The following DDX31 variants were observed in gnomAD, a reference collection of about 807,000 sequenced individuals.
DDX31 encodes the protein ATP-dependent DNA helicase DDX31.
A neutral mutation model predicts 91.3 loss-of-function variants in DDX31; 70 were observed. The ratio of observed to expected loss-of-function variants is 0.77; its 90% CI spans 0.63 to 0.94. DDX31 has a LOEUF of 0.94. Among genes scored for constraint, DDX31 ranks in the 40% least tolerant of loss-of-function variants. The pLI, the probability that DDX31 is intolerant of heterozygous loss-of-function variation, is 0.00. For synonymous variants in DDX31, 362 were observed against 350.6 expected (o/e 1.03, Z -0.36); for missense variants, 902 against 925.0 (o/e 0.98, Z 0.32).
At chr9:132,642,162 G>A in intron 13 of DDX31, 99 bp from the exon 14 acceptor site, 1 of 1,048,452 alleles carries the variant, frequency 9.5e-7, no homozygotes, top group Non-Finnish European at 1.5e-6. Context: ...TACTGCTAGA[G>A]CTATTTTCAG....
intron 1 of DDX31, among the ~76,000 whole-genome samples, chr9:132,668,922 A>T (rs1304492361): frequency 6.6e-6 from 1 of 152,172 alleles, no homozygotes; most frequent in Non-Finnish European, 1.5e-5. Flanking sequence ...ACATTTCAGA[A>T]ATACACTGGT....
intron 19 of DDX31, among the ~76,000 whole-genome samples, chr9:132,608,446 C>A (rs1011396799): frequency 6.6e-6 from 1 of 152,104 alleles, no homozygotes. Context: ...GGACTAAAGG[C>A]AATGTAAGAG....
chr9:132,625,047 AG>A (rs1183315431), intron 17 of DDX31, among the ~76,000 whole-genome samples: 2 of 152,082 alleles, frequency 1.3e-5, no homozygotes, highest in Non-Finnish European at 2.9e-5. Flanking sequence ...ATACTGAGTA[AG>A]GGGGTGGGGT....
intron 1 of DDX31, among the ~76,000 whole-genome samples, chr9:132,665,744 A>G (rs1405677571): frequency 6.6e-6 from 1 of 152,250 alleles, no homozygotes; most frequent in African/African-American, 2.4e-5. Flanking sequence ...CTTTGATATT[A>G]ATAAACATAC....
chr9:132,640,506 T>C (rs1833434884), intron 14 of DDX31, among the ~76,000 whole-genome samples: 2 of 152,164 alleles, frequency 1.3e-5, no homozygotes, highest in Admixed American at 1.3e-4. Context: ...CCCCCGCTTT[T>C]TTTCTTTTGA....
At chr9:132,632,481 A>ACT (rs1478235474) in intron 14 of DDX31, among the ~76,000 whole-genome samples, 1 of 152,028 alleles carries the variant, frequency 6.6e-6, no homozygotes, top group African/African-American at 2.4e-5. Context: ...AATGTAAAGA[A>ACT]CTCTGAACTC....
At chr9:132,664,394 TG>T (rs1835174716) in intron 1 of DDX31, among the ~76,000 whole-genome samples, 2 of 152,150 alleles carry the variant, frequency 1.3e-5, no homozygotes, top group African/African-American at 4.8e-5. Context: ...GGTTTTCCAT[TG>T]CTCTTAGGCT....
intron 14 of DDX31, chr9:132,638,250 G>A (rs1045118269): frequency 1.3e-6 from 2 of 1,592,020 alleles, no homozygotes; most frequent in East Asian, 2.3e-5. Context: ...TTAAAATCAG[G>A]TGGCTTAGAA....
chr9:132,642,966 A>C (rs1833592672), intron 13 of DDX31, among the ~76,000 whole-genome samples: 1 of 151,982 alleles, frequency 6.6e-6, no homozygotes, highest in Non-Finnish European at 1.5e-5. Context: ...CTGGGACTAC[A>C]GGCATACACA....
At chr9:132,659,331 G>A (rs1276397316) in intron 5 of DDX31, among the ~76,000 whole-genome samples, 2 of 152,134 alleles carry the variant, frequency 1.3e-5, no homozygotes, top group Non-Finnish European at 2.9e-5. Flanking sequence ...TTCTGTCCTC[G>A]AGCACAACTG....
At chr9:132,617,050 T>C (rs1187356053) in intron 18 of DDX31, among the ~76,000 whole-genome samples, 2 of 152,174 alleles carry the variant, frequency 1.3e-5, no homozygotes, top group African/African-American at 4.8e-5. Flanking sequence ...CTTTCAAACC[T>C]AAGTCAGATC....
At chr9:132,640,133 G>T (rs751952302) in intron 14 of DDX31, among the ~76,000 whole-genome samples, 2 of 152,198 alleles carry the variant, frequency 1.3e-5, no homozygotes, top group Non-Finnish European at 2.9e-5. Context: ...GCTTACGACC[G>T]GCTGGGAAGG....
At chr9:132,602,214 T>C (rs1479460164) in intron 19 of DDX31, among the ~76,000 whole-genome samples, 1 of 152,204 alleles carries the variant, frequency 6.6e-6, no homozygotes, top group Non-Finnish European at 1.5e-5. Flanking sequence ...TGGACAGCCC[T>C]GGGGGCTGCA....
intron 19 of DDX31, among the ~76,000 whole-genome samples, chr9:132,609,909 C>T (rs547911954): frequency 3.3e-5 from 5 of 152,244 alleles, no homozygotes; most frequent in South Asian, 2.1e-4. Flanking sequence ...AGTGAGTCAC[C>T]GCGCCTGGCC....
chr9:132,620,324 T>A (rs1043332307), intron 17 of DDX31, among the ~76,000 whole-genome samples: 11 of 151,956 alleles, frequency 7.2e-5, no homozygotes, highest in African/African-American at 2.7e-4. Context: ...GTGTCACAAC[T>A]GTCAGGGGAT....
rs972813309 is a variant in DDX31 at position 132,661,023 on chromosome 9, C to T, written c.452+185G>A. The T allele has an allele frequency of 9.8e-6, 6 of 611,612 alleles. No individual in the cohort carries two copies. The African/African-American group carries it at 1.1e-4, about 12-fold the overall frequency. 37.9% of individuals were successfully genotyped at this position (611,612 alleles called of 1,614,324 possible). A position where few individuals can be genotyped will look rare whatever the true frequency, so the allele number is the denominator to read the frequency against. On this transcript the variant is annotated intron_variant, in intron 4 of 19. Transcript: ENST00000372159. ...GCCAAGGGCAGAACTGGATGGAAAGCCAGTCTTTCCATTTAACAGGTGGAG... is the reference window on the plus strand; with the variant it reads ...GCCAAGGGCAGAACTGGATGGAAAGTCAGTCTTTCCATTTAACAGGTGGAG...
At chr9:132,602,437 CTGCA>C (rs1318559736) in intron 19 of DDX31, among the ~76,000 whole-genome samples, 60 of 152,316 alleles carry the variant, frequency 3.9e-4, no homozygotes, top group African/African-American at 1.4e-3. Context: ...TGAGCTAAGG[CTGCA>C]CATTCCTTAC....
In DDX31 at chr9:132,612,199, A is replaced by T; in HGVS notation, c.1882T>A (p.Phe628Ile). 6.2e-7 allele frequency: 1 copy of T among 1,614,176 alleles called. No homozygotes were observed. The highest frequency in any genetic ancestry group is 8.5e-7 in the Non-Finnish European group (1 of 1,180,032). ...ATYPRELKHI[F>I]HVRSLHLGHV... Reference sequence around the variant, plus strand: ...CCAAGGTGGAGGGATCGGACGTGGAAGATGTGCTTCAGCTCCCTGGGGTAG... The same window carrying T: ...CCAAGGTGGAGGGATCGGACGTGGATGATGTGCTTCAGCTCCCTGGGGTAG... Residue 628 changes from phenylalanine (F) to isoleucine (I), a missense_variant, in exon 19 of 20, where the codon TTC becomes ATC. Coordinates refer to ENST00000372159, the MANE Select transcript of DDX31 (RefSeq NM_022779.9).
chr9:132,651,003 T>A (rs1834148045), intron 8 of DDX31, 72 bp downstream of exon 8: 1 of 1,323,582 alleles, frequency 7.6e-7, no homozygotes, highest in African/African-American at 1.5e-5. Context: ...AAATAAAGAA[T>A]AGACTGTAGT....
Sources: gnomAD v4.1 joint callset for allele counts (sites outside exome capture counted in the v4.1 genomes callset) on GRCh38, gnomAD v4.1.1 for gene constraint, MANE v1.5 for transcripts, NCBI Gene and HGNC (gene_info 2026-07-23, HGNC 2026-07-21) for gene names.